MOG: variants seen among roughly 807,000 people sequenced by gnomAD.
The protein encoded by MOG is myelin oligodendrocyte glycoprotein.
A neutral mutation model predicts 35.9 loss-of-function variants in MOG; 20 were observed. That is an observed-to-expected ratio of 0.56 (90% confidence interval 0.39 to 0.81). The LOEUF is 0.81. Among genes scored for constraint, MOG ranks in the 30% least tolerant of loss-of-function variants. The pLI is 0.00. For synonymous variants in MOG, 92 were observed against 114.3 expected, an observed-to-expected ratio of 0.80 and a Z score of 1.25; for missense variants, 251 against 301.0, an observed-to-expected ratio of 0.83 and a Z score of 1.23.
intron 2 of MOG, chr6:29,661,531 G>C: frequency 1.0e-6 from 1 of 985,188 alleles, no homozygotes; most frequent in Non-Finnish European, 1.2e-6. Context: ...CACCAAAAAA[G>C]GAAGACAAGC....
At chr6:29,661,710 G>A in intron 2 of MOG, 1 of 875,210 alleles carries the variant, frequency 1.1e-6, no homozygotes, top group Non-Finnish European at 1.4e-6. Flanking sequence ...ATCCCAGCTG[G>A]GAGGCTGAGG....
intron 2 of MOG, chr6:29,661,238 A>G (rs752273639): frequency 1.1e-4 from 32 of 301,248 alleles, no homozygotes; most frequent in Non-Finnish European, 1.5e-4. Flanking sequence ...ATTGATCACT[A>G]TTGTATCTTG....
chr6:29,660,359 A>G (rs1381297118), intron 2 of MOG, among the ~76,000 whole-genome samples: 1 of 147,786 alleles, frequency 6.8e-6, no homozygotes, highest in African/African-American at 2.6e-5. Flanking sequence ...GTCTCTACTA[A>G]AAATACAAAA....
intron 2 of MOG, among the ~76,000 whole-genome samples, chr6:29,663,190 T>C (rs1769283645): frequency 7.0e-6 from 1 of 143,066 alleles, no homozygotes; most frequent in Middle Eastern, 3.5e-3. Context: ...GAGAATGGAG[T>C]GAACCCGGGA....
Position 29,657,101 on chromosome 6 carries a change from C to T in MOG, c.-109C>T. Reference sequence around the variant, plus strand: ...GAGGCAGGGCCCAGGCAGCACTGCCCTCCAAGATCTTCCCTTGGGCTTTTC... The same window carrying T: ...GAGGCAGGGCCCAGGCAGCACTGCCTTCCAAGATCTTCCCTTGGGCTTTTC... On this transcript the variant is annotated 5_prime_UTR_variant, in exon 1 of 8. Transcript: ENST00000376917. 5 of 835,860 alleles carry T rather than the reference C, an allele frequency of 6.0e-6. No individual in the cohort carries two copies. The South Asian group carries it at 6.9e-5, about 12-fold the overall frequency. 51.8% of individuals were successfully genotyped at this position (835,860 alleles called of 1,614,324 possible). A position where few individuals can be genotyped will look rare whatever the true frequency, so the allele number is the denominator to read the frequency against.
intron 3 of MOG, 131 bp from the exon 4 acceptor site, chr6:29,667,512 C>T (rs1770474896): frequency 1.2e-6 from 1 of 858,316 alleles, no homozygotes; most frequent in Non-Finnish European, 2.0e-6. Flanking sequence ...AGTGCTCTTC[C>T]TACTCTCCTG....
intron 2 of MOG, among the ~76,000 whole-genome samples, chr6:29,660,257 C>G (rs755824201): frequency 1.3e-5 from 2 of 151,808 alleles, no homozygotes; most frequent in African/African-American, 2.4e-5. Context: ...CGCCGTGGCT[C>G]ACGCCTGTAA....
intron 1 of MOG, among the ~76,000 whole-genome samples, chr6:29,658,366 C>A (rs1346479798): frequency 6.6e-6 from 1 of 151,726 alleles, no homozygotes; most frequent in Non-Finnish European, 1.5e-5. Context: ...AGAAACACAT[C>A]CACATAGAAA....
chr6:29,659,902 G>T, intron 2 of MOG: 2 of 604,462 alleles, frequency 3.3e-6, no homozygotes, highest in East Asian at 5.5e-5. Flanking sequence ...GTGACAGAAT[G>T]AACAATGGTA....
rs1771553330 is a variant in MOG, at chr6:29,671,975, G to T, written c.*790G>T. 6.3e-6 allele frequency: 1 copy of T among 159,100 alleles called. No individual in the cohort carries two copies. The highest frequency in any genetic ancestry group is 5.9e-5 in the Admixed American group (1 of 16,876). The allele number at this position is 159,100 out of a possible 1,614,324, so 9.9% of individuals were successfully genotyped here. On this transcript the variant is annotated 3_prime_UTR_variant, in exon 8 of 8. Transcript: ENST00000376917. ...TTGATGGTCAGACACAAACAAACAA[G>T]CTAGGTGCTAATTAATAAAGATACG... is the stretch of plus-strand genomic sequence containing the variant.
In MOG at chr6:29,671,191, G is replaced by A; in HGVS notation, c.*6G>A. On this transcript the variant is annotated 3_prime_UTR_variant, in exon 8 of 8. Transcript: ENST00000376917. ...TTCTAGGAAATCCCTTCTGAGTGAT[G>A]TCACATCTTGGCAGGGGTGGAGGAG... is the stretch of plus-strand genomic sequence containing the variant. The A allele has an allele frequency of 6.2e-7, 1 of 1,612,954 alleles. No individual in the cohort carries two copies. Among genetic ancestry groups the A allele is most frequent in the Non-Finnish European group, 8.5e-7 (1 of 1,179,996 alleles).
intron 1 of MOG, 99 bp downstream of exon 1, chr6:29,657,396 T>A: frequency 1.1e-6 from 1 of 948,050 alleles, no homozygotes; most frequent in Non-Finnish European, 1.7e-6. Context: ...GTTGCTATAT[T>A]ATCTTTCTAA....
At chr6:29,665,338 C>T (rs948682855) in intron 2 of MOG, among the ~76,000 whole-genome samples, 9 of 150,950 alleles carry the variant, frequency 6.0e-5, no homozygotes, top group South Asian at 2.1e-4. Flanking sequence ...TCAGGCGATC[C>T]GCCCGCCTCG....
chr6:29,657,918 T>C (rs1767528489), intron 1 of MOG, among the ~76,000 whole-genome samples: 1 of 152,186 alleles, frequency 6.6e-6, no homozygotes, highest in Admixed American at 6.5e-5. Context: ...GTGCTGAGAT[T>C]ACAGGCATGA....
chr6:29,662,098 A>G lies in MOG; in HGVS notation c.436+2432A>G, dbSNP rs1768926885. ...TCTGCTCTTTCTCTGAAGAGTTTCT[A>G]ATTTCTCTTGTTTACTTATTTTTTT... On this transcript the variant is annotated intron_variant, in intron 2 of 7. Transcript: ENST00000376917. This position sits in a 1 kb window ranked among gnomAD's most constrained non-coding sequence, Gnocchi z 4.2. 1 of 985,206 alleles carries G rather than the reference A, an allele frequency of 1.0e-6. No homozygotes were observed. The highest frequency in any genetic ancestry group is 1.2e-6 in the Non-Finnish European group (1 of 829,792). The allele number at this position is 985,206 out of a possible 1,614,324, so 61.0% of individuals were successfully genotyped here. A position where few individuals can be genotyped will look rare whatever the true frequency, so the allele number is the denominator to read the frequency against.
Position 29,670,442 on chromosome 6 carries a change from C to A in MOG, c.709+45C>A. 5 of 1,584,124 alleles carry A rather than the reference C, an allele frequency of 3.2e-6. No individual in the cohort carries two copies. The highest frequency in any genetic ancestry group is 4.3e-6 in the Non-Finnish European group (5 of 1,153,560). ...GGCAAGACCACCAAATAGTGGGGGA[C>A]CAAGTCAGCTCTGAATGGGAAGCCA... On this transcript the variant is annotated intron_variant, in intron 6 of 7. Coordinates refer to ENST00000376917, the MANE Select transcript of MOG (RefSeq NM_206809.4). This position sits in a 1 kb window ranked among gnomAD's most constrained non-coding sequence, Gnocchi z 4.2.
chr6:29,669,597 C>T lies in MOG; in HGVS notation c.593-684C>T, dbSNP rs149261578. ...TGAGCCACCAGGCCCAGCCCAATAA[C>T]CTTTAATTTCAACATACTAATAAAC... is the stretch of plus-strand genomic sequence containing the variant. On this transcript the variant is annotated intron_variant, in intron 5 of 7. Transcript: ENST00000376917. Among the ~76,000 whole-genome samples the T allele has an allele frequency of 2.2e-3, 334 of 151,856 alleles. 7 individuals are homozygous for T. The highest frequency in any genetic ancestry group is 0.014 in the Middle Eastern group (4 of 290).
At chr6:29,659,697 A>G (rs1229195980) in intron 2 of MOG, 31 bp downstream of exon 2, 1 of 1,570,688 alleles carries the variant, frequency 6.4e-7, no homozygotes, top group Non-Finnish European at 8.7e-7. Context: ...TTAGGTATTA[A>G]CTGTTGGGTG....
chr6:29,659,996 A>T, intron 2 of MOG: 2 of 416,296 alleles, frequency 4.8e-6, no homozygotes, highest in Non-Finnish European at 4.5e-6. Context: ...ATAAGGTATT[A>T]TTGAGTGATA....
Sources: allele counts gnomAD v4.1 joint callset (sites outside exome capture counted in the v4.1 genomes callset), GRCh38; gene constraint gnomAD v4.1.1; non-coding constraint Gnocchi (gnomAD v3.1); transcripts MANE v1.5; gene names NCBI Gene and HGNC (gene_info 2026-07-23, HGNC 2026-07-21).